Variants in SLC20A2 observed in about 807,000 individuals in gnomAD.
SLC20A2 encodes the protein solute carrier family 20 member 2.
A neutral mutation model predicts 61.0 loss-of-function variants in SLC20A2; 30 were observed. The ratio of observed to expected loss-of-function variants is 0.49; its 90% confidence interval spans 0.37 to 0.67. The LOEUF is 0.67. SLC20A2 is among the 30% of genes least tolerant of loss of function. The pLI, the probability that SLC20A2 is intolerant of heterozygous loss-of-function variation, is 0.00. For missense variants in SLC20A2, 626 were observed against 866.4 expected, an observed-to-expected ratio of 0.72 and a Z score of 3.48; for synonymous variants, 351 against 353.3, an observed-to-expected ratio of 0.99 and a Z score of 0.07.
At chr8:42,533,654 C>CTTTT (rs1162369065) in intron 1 of SLC20A2, among the ~76,000 whole-genome samples, 2,296 of 55,332 alleles carry the variant, frequency 0.041, 236 homozygotes, top group African/African-American at 0.11. Context: ...ATCAACTGTT[C>CTTTT]TTTTTTTTTT....
chr8:42,485,363 C>G (rs568621296), intron 1 of SLC20A2, among the ~76,000 whole-genome samples: 1 of 152,026 alleles, frequency 6.6e-6, no homozygotes, highest in Non-Finnish European at 1.5e-5. Flanking sequence ...GGGGCTAGGC[C>G]GAACGCGGTG....
intron 1 of SLC20A2, among the ~76,000 whole-genome samples, chr8:42,520,042 C>T (rs1167123002): frequency 7.5e-6 from 1 of 134,032 alleles, no homozygotes; most frequent in Admixed American, 8.0e-5. Flanking sequence ...AAGACAGAGC[C>T]TCACTCTGTT....
intron 8 of SLC20A2, among the ~76,000 whole-genome samples, chr8:42,430,610 C>G (rs1803789846): frequency 6.6e-6 from 1 of 152,168 alleles, no homozygotes; most frequent in Non-Finnish European, 1.5e-5. Flanking sequence ...ATCTGCCCAC[C>G]TTGGCTTCCC....
At position 42,522,952 on chromosome 8, in the gene SLC20A2, T is replaced by C. The variant is rs545295818; in HGVS notation, c.-265+18869A>G. Among the ~76,000 whole-genome samples, 12 of 150,280 alleles carry C rather than the reference T, an allele frequency of 8.0e-5. 1 individual carries two copies. In the South Asian group the frequency reaches 8.4e-4, roughly 10 times the overall value. On this transcript the variant is annotated intron_variant, in intron 1 of 10. Coordinates refer to the SLC20A2 transcript ENST00000342228. ...GTTGCCCAGGTTAGTCTTGAACTCC[T>C]GGCCTCAAGCAATTCTCCCACTTTG...
chr8:42,471,830 T>G (rs557407225), intron 2 of SLC20A2, among the ~76,000 whole-genome samples: 6 of 152,228 alleles, frequency 3.9e-5, no homozygotes, highest in Non-Finnish European at 8.8e-5. Flanking sequence ...GGTCTTTTTC[T>G]GTACTTTCTG....
chr8:42,462,882 G>A (rs1374683138), intron 4 of SLC20A2, 123 bp downstream of exon 4: 2 of 526,264 alleles, frequency 3.8e-6, no homozygotes, highest in Non-Finnish European at 6.7e-6. Context: ...GCTAACTGCA[G>A]GGTGCTGTGC....
At chr8:42,526,589 C>G (rs1184636031) in intron 1 of SLC20A2, among the ~76,000 whole-genome samples, 1 of 151,050 alleles carries the variant, frequency 6.6e-6, no homozygotes, top group Non-Finnish European at 1.5e-5. Flanking sequence ...AGGAGAATGG[C>G]GTGAACCCAG....
intron 1 of SLC20A2, among the ~76,000 whole-genome samples, chr8:42,474,876 G>A (rs1807934525): frequency 7.0e-6 from 1 of 143,698 alleles, no homozygotes; most frequent in African/African-American, 2.6e-5. Context: ...GTAGCAGGCA[G>A]CAAAGGCTCA....
chr8:42,454,549 G>T (rs75526643), intron 5 of SLC20A2, among the ~76,000 whole-genome samples: 2,840 of 152,000 alleles, frequency 0.019, 86 homozygotes, highest in African/African-American at 0.063. Flanking sequence ...AGAACCTAAC[G>T]CTAACTTCAG....
intron 7 of SLC20A2, among the ~76,000 whole-genome samples, chr8:42,438,046 C>A (rs115629334): frequency 0.012 from 1,158 of 95,618 alleles, 33 homozygotes; most frequent in African/African-American, 0.041. Flanking sequence ...AATATGGTTA[C>A]CACTAAAAAA....
At chr8:42,487,923 G>A (rs539393714) in intron 1 of SLC20A2, among the ~76,000 whole-genome samples, 2 of 152,166 alleles carry the variant, frequency 1.3e-5, no homozygotes, top group African/African-American at 4.8e-5. Flanking sequence ...TCCAACCCCT[G>A]GCCACCAACA....
chr8:42,519,744 G>T (rs1811530713), intron 1 of SLC20A2, among the ~76,000 whole-genome samples: 1 of 152,120 alleles, frequency 6.6e-6, no homozygotes, highest in South Asian at 2.1e-4. Context: ...TCTTTATGTT[G>T]GCTTTTGATG....
intron 1 of SLC20A2, among the ~76,000 whole-genome samples, chr8:42,483,673 T>G (rs1392987501): frequency 2.0e-5 from 3 of 152,244 alleles, no homozygotes; most frequent in Non-Finnish European, 4.4e-5. Context: ...CTCCCAGATA[T>G]TCTAGGTATT....
At chr8:42,460,120 G>A in intron 4 of SLC20A2, 128 bp from the exon 5 acceptor site, 2 of 602,744 alleles carry the variant, frequency 3.3e-6, no homozygotes, top group Middle Eastern at 8.6e-4. Flanking sequence ...CCAAAAGGAT[G>A]GGCGTTGTCA....
chr8:42,531,380 A>T (rs987305939), intron 1 of SLC20A2, among the ~76,000 whole-genome samples: 1 of 152,194 alleles, frequency 6.6e-6, no homozygotes, highest in African/African-American at 2.4e-5. Context: ...AATCTTCAAT[A>T]CAATCAACCC....
chr8:42,479,304 T>C (rs1016243052), intron 1 of SLC20A2, among the ~76,000 whole-genome samples: 3 of 152,144 alleles, frequency 2.0e-5, no homozygotes, highest in African/African-American at 7.2e-5. Context: ...GGGCACTTCA[T>C]AGACCAAGAG....
Position 42,455,241 on chromosome 8 carries a change from A to AAT in SLC20A2, c.613+4653_613+4654dup, listed in dbSNP as rs71548582. Among the ~76,000 whole-genome samples, 908 of 102,474 alleles carry AAT rather than the reference A, an allele frequency of 8.9e-3. 20 individuals carry two copies. Among genetic ancestry groups the AAT allele is most frequent in the African/African-American group, 0.03 (606 of 20,038 alleles). 67.2% of individuals were successfully genotyped at this position (102,474 alleles called of 152,430 possible). On this transcript the variant is annotated intron_variant, in intron 5 of 10. Coordinates refer to ENST00000520262, the MANE Select transcript of SLC20A2 (RefSeq NM_001257180.2). The stretch of plus-strand genomic sequence containing the variant: ...CTCCGTCTAAAAAAAAAAAAAAAAA[A>AAT]ATATATATATATATATAGAGAGAGA...
chr8:42,463,625 G>T (rs1445066471), intron 3 of SLC20A2, among the ~76,000 whole-genome samples: 1 of 152,118 alleles, frequency 6.6e-6, no homozygotes, highest in East Asian at 1.9e-4. Context: ...TCAAAAACTC[G>T]TTTGGCCCTG....
At chr8:42,523,236 A>G (rs778822569) in intron 1 of SLC20A2, among the ~76,000 whole-genome samples, 1 of 152,180 alleles carries the variant, frequency 6.6e-6, no homozygotes, top group Non-Finnish European at 1.5e-5. Context: ...AGGTTGAGGC[A>G]GGAGAATCGC....
Sources: gnomAD v4.1 joint callset for allele counts (sites outside exome capture counted in the v4.1 genomes callset) on GRCh38, gnomAD v4.1.1 for gene constraint, MANE v1.5 for transcripts, NCBI Gene and HGNC (gene_info 2026-07-23, HGNC 2026-07-21) for gene names.